The following XKR6 variants were observed in gnomAD, a reference collection of about 807,000 sequenced individuals.
XKR6 encodes the protein XK-related protein 6.
Under a neutral mutation model 56.7 loss-of-function variants are expected in XKR6, and 22 were observed. The ratio of observed to expected loss-of-function variants is 0.39; its 90% CI spans 0.28 to 0.55. The LOEUF (loss-of-function observed/expected upper bound fraction) is 0.55. Among genes scored for constraint, XKR6 ranks in the 20% least tolerant of loss-of-function variants. The pLI is 0.66. For synonymous variants in XKR6, 524 were observed against 387.8 expected, an observed-to-expected ratio of 1.35 and a Z score of -4.13; for missense variants, 852 against 889.0, an observed-to-expected ratio of 0.96 and a Z score of 0.53.
chr8:11,164,870 A>G (rs1586638727), intron 1 of XKR6, among the ~76,000 whole-genome samples: 2 of 152,274 alleles, frequency 1.3e-5, no homozygotes, highest in Admixed American at 1.3e-4. Flanking sequence ...TTAAGAAACA[A>G]TGGCACTAAA....
At chr8:11,083,428 C>T (rs908332608) in intron 1 of XKR6, among the ~76,000 whole-genome samples, 1 of 152,198 alleles carries the variant, frequency 6.6e-6, no homozygotes, top group African/African-American at 2.4e-5. Flanking sequence ...CACCACTGCG[C>T]CCTCACACCG....
intron 1 of XKR6, among the ~76,000 whole-genome samples, chr8:11,069,183 G>A (rs1305049573): frequency 6.6e-6 from 1 of 151,688 alleles, no homozygotes; most frequent in African/African-American, 2.4e-5. Flanking sequence ...AAGAGTAGAG[G>A]CCCCACTGTC....
At chr8:11,143,722 C>G (rs1388858913) in intron 1 of XKR6, among the ~76,000 whole-genome samples, 1 of 152,166 alleles carries the variant, frequency 6.6e-6, no homozygotes, top group Non-Finnish European at 1.5e-5. Context: ...ACGGGAGTTT[C>G]TAATTTCCTG....
chr8:11,199,244 G>C (rs1804062179), intron 1 of XKR6, among the ~76,000 whole-genome samples: 2 of 152,206 alleles, frequency 1.3e-5, no homozygotes, highest in African/African-American at 4.8e-5. Flanking sequence ...CCCCTAGCCT[G>C]AATTTGCACG....
At chr8:10,964,159 C>T (rs1802143561) in intron 1 of XKR6, among the ~76,000 whole-genome samples, 1 of 152,204 alleles carries the variant, frequency 6.6e-6, no homozygotes, top group Admixed American at 6.5e-5. Context: ...CCTGACCTAC[C>T]TCCCCAGGGC....
chr8:11,189,753 A>G (rs999477811), intron 1 of XKR6, among the ~76,000 whole-genome samples: 1 of 152,306 alleles, frequency 6.6e-6, no homozygotes, highest in Middle Eastern at 3.4e-3. Context: ...TAGATTTTTT[A>G]AATATATAGA....
At chr8:11,069,722 G>A (rs1245175694) in intron 1 of XKR6, among the ~76,000 whole-genome samples, 2 of 93,842 alleles carry the variant, frequency 2.1e-5, no homozygotes, top group Non-Finnish European at 4.0e-5. Context: ...GAGTTCAGGG[G>A]TCAGTAAAGA....
At chr8:10,932,718 T>C (rs1801095457) in intron 1 of XKR6, among the ~76,000 whole-genome samples, 1 of 130,772 alleles carries the variant, frequency 7.6e-6, no homozygotes, top group African/African-American at 3.1e-5. Context: ...GAATGATGAT[T>C]TCCAATTTCA....
intron 1 of XKR6, among the ~76,000 whole-genome samples, chr8:11,065,655 G>A (rs930422997): frequency 4.0e-5 from 6 of 151,652 alleles, no homozygotes; most frequent in Non-Finnish European, 5.9e-5. Flanking sequence ...CCTGGCTTGC[G>A]AACAACTTAC....
At chr8:11,062,826 C>T (rs563818658) in intron 1 of XKR6, 7 of 456,284 alleles carry the variant, frequency 1.5e-5, no homozygotes, top group South Asian at 6.2e-5. Context: ...CGGCAATCAG[C>T]GTGGCCGTGC....
At chr8:11,039,592 C>G (rs182785148) in intron 1 of XKR6, among the ~76,000 whole-genome samples, 3 of 152,202 alleles carry the variant, frequency 2.0e-5, no homozygotes, top group Admixed American at 6.5e-5. Context: ...CTGGCCCCAA[C>G]GTCCAGGGTG....
At chr8:11,183,123 G>A (rs1344289459) in intron 1 of XKR6, among the ~76,000 whole-genome samples, 1 of 152,198 alleles carries the variant, frequency 6.6e-6, no homozygotes, top group South Asian at 2.1e-4. Context: ...GTTGATGAAG[G>A]CTTAGGTTGC....
chr8:10,964,111 G>C (rs1802142355), intron 1 of XKR6, among the ~76,000 whole-genome samples: 1 of 152,170 alleles, frequency 6.6e-6, no homozygotes, highest in African/African-American at 2.4e-5. Flanking sequence ...GTTCAGCTCT[G>C]AGAATCTTCT....
chr8:11,038,710 T>G (rs1799210505), intron 1 of XKR6, among the ~76,000 whole-genome samples: 1 of 152,040 alleles, frequency 6.6e-6, no homozygotes, highest in Non-Finnish European at 1.5e-5. Flanking sequence ...AATTTTTTTA[T>G]TTTTTATTTT....
intron 1 of XKR6, among the ~76,000 whole-genome samples, chr8:11,145,460 A>G (rs1800933252): frequency 6.6e-6 from 1 of 152,234 alleles, no homozygotes; most frequent in African/African-American, 2.4e-5. Flanking sequence ...TGACATGATC[A>G]TCTACACAGA....
At chr8:10,962,086 T>C (rs773472729) in intron 1 of XKR6, among the ~76,000 whole-genome samples, 16 of 152,244 alleles carry the variant, frequency 1.1e-4, no homozygotes, top group Non-Finnish European at 1.9e-4. Flanking sequence ...GAAAAGTGTC[T>C]TGGCCTAATC....
In XKR6 at chr8:11,083,173, GT is replaced by G. The variant is rs527662049; in HGVS notation, c.764+117402del. 1.2e-4 allele frequency among the ~76,000 whole-genome samples: 19 copies of G among 152,316 alleles called. No homozygotes were observed. The East Asian group carries it at 2.9e-3, about 23-fold the overall frequency. On this transcript the variant is annotated intron_variant, in intron 1 of 2. Coordinates refer to ENST00000416569, the MANE Select transcript of XKR6 (RefSeq NM_173683.4). The stretch of plus-strand genomic sequence containing the variant: ...GGGAGCCCAGCACTTCAAAGTGCCC[GT>G]GGGGCTCCTCTGCACACTGCCATTA...
intron 1 of XKR6, among the ~76,000 whole-genome samples, chr8:11,147,136 A>T (rs755754168): frequency 6.6e-6 from 1 of 152,006 alleles, no homozygotes; most frequent in African/African-American, 2.4e-5. Flanking sequence ...GGTGAAAGGA[A>T]ACTTGGGGTG....
intron 1 of XKR6, among the ~76,000 whole-genome samples, chr8:11,145,896 T>C (rs1351765233): frequency 6.6e-6 from 1 of 152,108 alleles, no homozygotes; most frequent in Non-Finnish European, 1.5e-5. Flanking sequence ...CAAAATGATT[T>C]TGGAAAGGAA....
Sources: gnomAD v4.1 joint callset for allele counts (sites outside exome capture counted in the v4.1 genomes callset) on GRCh38, gnomAD v4.1.1 for gene constraint, MANE v1.5 for transcripts, NCBI Gene and HGNC (gene_info 2026-07-23, HGNC 2026-07-21) for gene names.